The following ATG7 variants were observed in gnomAD, a reference collection of about 807,000 sequenced individuals.
ATG7 encodes the protein autophagy related 7.
A neutral mutation model predicts 82.4 loss-of-function variants in ATG7; 70 were observed. That is an observed-to-expected ratio of 0.85 (90% CI 0.70 to 1.04). The LOEUF is 1.04. ATG7 is among the 50% of genes least tolerant of loss of function. ATG7 has a pLI of 0.00. For missense variants in ATG7, 792 were observed against 864.3 expected (o/e 0.92, Z 1.05); for synonymous variants, 287 against 313.0 (o/e 0.92, Z 0.88).
At chr3:11,500,040 T>C (rs1332597543) in intron 20 of ATG7, among the ~76,000 whole-genome samples, 1 of 152,174 alleles carries the variant, frequency 6.6e-6, no homozygotes, top group African/African-American at 2.4e-5. Context: ...TCAAATAAAA[T>C]CCATTTTAAC....
At chr3:11,525,061 G>C (rs1162631284) in intron 20 of ATG7, among the ~76,000 whole-genome samples, 1 of 143,050 alleles carries the variant, frequency 7.0e-6, no homozygotes, top group Non-Finnish European at 1.6e-5. Flanking sequence ...ATTTATTTTT[G>C]AGACTGGCTC....
chr3:11,527,069 G>GTATATA lies in ATG7; in HGVS notation c.2080-27741_2080-27740insATATAT, dbSNP rs1347586691. Among the ~76,000 whole-genome samples the GTATATA allele has an allele frequency of 9.7e-3, 1,142 of 118,176 alleles. 13 individuals are homozygous for GTATATA. The highest frequency in any genetic ancestry group is 0.015 in the Non-Finnish European group (884 of 59,580). The allele number at this position is 118,176 out of a possible 152,430, so 77.5% of individuals were successfully genotyped here. ...TGTGTGTGTGTGTGTGTGTGTGTGT[G>GTATATA]TGTATATATATATATATATATATAC... On this transcript the variant is annotated intron_variant, in intron 20 of 20. Transcript: ENST00000693202.
intron 20 of ATG7, among the ~76,000 whole-genome samples, chr3:11,427,907 C>G (rs988677082): frequency 1.3e-5 from 2 of 152,240 alleles, no homozygotes; most frequent in Middle Eastern, 3.4e-3. Flanking sequence ...ATTTGGATCA[C>G]TTGGCAAAAT....
At chr3:11,545,166 T>C (rs1227952463) in intron 20 of ATG7, among the ~76,000 whole-genome samples, 1 of 151,912 alleles carries the variant, frequency 6.6e-6, no homozygotes, top group Non-Finnish European at 1.5e-5. Context: ...GGTGGGGAGC[T>C]TGGAGGGGTG....
At chr3:11,368,737 CA>C (rs11348094) in intron 18 of ATG7, among the ~76,000 whole-genome samples, 81,528 of 132,888 alleles carry the variant, frequency 0.61, 24,317 homozygotes, top group East Asian at 0.67. Flanking sequence ...GTCCCTGTCT[CA>C]AAAAAAAAAA....
chr3:11,272,485 G>C (rs1001384215), intron 1 of ATG7, 55 bp downstream of exon 1: 17 of 152,538 alleles, frequency 1.1e-4, no homozygotes, highest in African/African-American at 4.1e-4. Context: ...GCCGGTTTTG[G>C]AGGCCTGGAG....
intron 20 of ATG7, among the ~76,000 whole-genome samples, chr3:11,506,427 T>C (rs2091713223): frequency 6.6e-6 from 1 of 152,020 alleles, no homozygotes; most frequent in Admixed American, 6.6e-5. Context: ...AACATTTCCA[T>C]CATTGGTTGG....
chr3:11,429,290 G>A (rs1006679003), intron 20 of ATG7, among the ~76,000 whole-genome samples: 1 of 152,126 alleles, frequency 6.6e-6, no homozygotes, highest in African/African-American at 2.4e-5. Flanking sequence ...GAGGTCAGGA[G>A]TTTGAGACCA....
chr3:11,551,859 C>T (rs1360964420), intron 20 of ATG7, among the ~76,000 whole-genome samples: 1 of 152,158 alleles, frequency 6.6e-6, no homozygotes, highest in African/African-American at 2.4e-5. Flanking sequence ...AGCCATTCTC[C>T]TGCCTCAGCC....
chr3:11,434,952 C>T (rs1225305648), intron 20 of ATG7, among the ~76,000 whole-genome samples: 1 of 152,170 alleles, frequency 6.6e-6, no homozygotes, highest in Non-Finnish European at 1.5e-5. Flanking sequence ...GTGTCCTGTG[C>T]ATGCTTCCCC....
intron 5 of ATG7, among the ~76,000 whole-genome samples, chr3:11,300,390 CA>C (rs1189327643): frequency 2.6e-5 from 4 of 151,904 alleles, no homozygotes; most frequent in African/African-American, 9.7e-5. Flanking sequence ...ATTTAGAAAG[CA>C]GGGGTGAGAG....
intron 20 of ATG7, among the ~76,000 whole-genome samples, chr3:11,501,032 A>G (rs1433596520): frequency 2.0e-5 from 3 of 152,346 alleles, no homozygotes; most frequent in South Asian, 4.1e-4. Flanking sequence ...AGGTGCGAGG[A>G]TCACTTGAGG....
At chr3:11,564,974 C>T in the ATG7 span, 3 of 1,538,874 alleles carry the variant, frequency 1.9e-6, no homozygotes, top group Non-Finnish European at 2.6e-6. Context: ...GGCTGCGGCT[C>T]CGCTCCCGGG....
intron 20 of ATG7, among the ~76,000 whole-genome samples, chr3:11,488,673 T>G (rs1480444903): frequency 6.6e-6 from 1 of 152,216 alleles, no homozygotes; most frequent in Non-Finnish European, 1.5e-5. Context: ...TGTGAATGAT[T>G]CTTCTGGTTC....
intron 20 of ATG7, among the ~76,000 whole-genome samples, chr3:11,506,839 G>T (rs1398139385): frequency 6.6e-6 from 1 of 152,162 alleles, no homozygotes; most frequent in African/African-American, 2.4e-5. Flanking sequence ...TGGGTGCTCT[G>T]CTGTACAAGG....
intron 20 of ATG7, among the ~76,000 whole-genome samples, chr3:11,465,511 G>A (rs576029116): frequency 5.9e-5 from 9 of 151,772 alleles, no homozygotes; most frequent in Non-Finnish European, 8.8e-5. Context: ...TTGGGAGGCC[G>A]AAGTGGGATG....
chr3:11,300,452 A>G (rs1946616068), intron 5 of ATG7, among the ~76,000 whole-genome samples: 2 of 152,216 alleles, frequency 1.3e-5, no homozygotes, highest in African/African-American at 2.4e-5. Flanking sequence ...GAGTAGCTAC[A>G]GGGATTTTGC....
chr3:11,473,314 CACTT>C (rs2087755263), intron 20 of ATG7, among the ~76,000 whole-genome samples: 1 of 152,158 alleles, frequency 6.6e-6, no homozygotes, highest in Non-Finnish European at 1.5e-5. Flanking sequence ...AGAAAATTGT[CACTT>C]ACTGAGTACC....
the ATG7 span, chr3:11,564,818 C>CAGTGTGGGCG: frequency 6.3e-7 from 1 of 1,579,670 alleles, no homozygotes; most frequent in Non-Finnish European, 8.6e-7. Context: ...CCCCCGGGGT[C>CAGTGTGGGCG]AGTGTGGGCG....
Sources: allele counts gnomAD v4.1 joint callset (sites outside exome capture counted in the v4.1 genomes callset), GRCh38; gene constraint gnomAD v4.1.1; transcripts MANE v1.5; gene names NCBI Gene and HGNC (gene_info 2026-07-23, HGNC 2026-07-21).